Variants in SVOPL observed in about 807,000 individuals in gnomAD.
The protein encoded by SVOPL is putative transporter SVOPL.
In SVOPL, 60 loss-of-function variants were observed where a neutral mutation model predicts 61.0. That is an observed-to-expected ratio of 0.98 (90% confidence interval 0.80 to 1.22). SVOPL has a LOEUF of 1.22. Ranked by LOEUF, SVOPL falls within the 50% of genes most tolerant of loss-of-function variation. The pLI, the probability that SVOPL is intolerant of heterozygous loss-of-function variation, is 0.00. For missense variants in SVOPL, 662 were observed against 643.9 expected (o/e 1.03, Z -0.30); for synonymous variants, 279 against 250.0 (o/e 1.12, Z -1.09).
rs112179206 is a variant in SVOPL, at chr7:138,605,488, C to T, written c.1354-8958G>A. On this transcript the variant is annotated intron_variant, in intron 14 of 15. Transcript: ENST00000674285. ...ATCAGCCTGGCCAACACAGCGAAAC[C>T]CGGTCTCTACTAAAAATACAAAAAT... 4.1e-3 allele frequency among the ~76,000 whole-genome samples: 626 copies of T among 151,986 alleles called. 2 individuals are homozygous for T. The highest frequency in any genetic ancestry group is 0.013 in the African/African-American group (519 of 41,448).
At chr7:138,690,147 A>G (rs995970444) in intron 1 of SVOPL, among the ~76,000 whole-genome samples, 4 of 152,214 alleles carry the variant, frequency 2.6e-5, no homozygotes, top group African/African-American at 9.7e-5. Context: ...AGCCTCTCGA[A>G]TCATGAAATG....
At chr7:138,688,204 T>C (rs1246088307) in intron 1 of SVOPL, among the ~76,000 whole-genome samples, 2 of 151,998 alleles carry the variant, frequency 1.3e-5, no homozygotes, top group Non-Finnish European at 2.9e-5. Context: ...ACATCATTGG[T>C]CATTCGGGAA....
In SVOPL at chr7:138,660,367, T is replaced by C. The variant is rs1356472124; in HGVS notation, c.346-379A>G. ...GAACATTTAAGGTATTTGCTTTTTC[T>C]TTAATTATAAGGATAAATTCATAGT... is the stretch of plus-strand genomic sequence containing the variant. On this transcript the variant is annotated intron_variant, in intron 5 of 15. Transcript: ENST00000674285. 4.0e-6 allele frequency: 4 copies of C among 992,920 alleles called. No homozygotes were observed. In the Admixed American group the frequency reaches 2.3e-4, roughly 57 times the overall value. The allele number at this position is 992,920 out of a possible 1,614,324, so 61.5% of individuals were successfully genotyped here. A position where few individuals can be genotyped will look rare whatever the true frequency, so the allele number is the denominator to read the frequency against.
Position 138,602,173 on chromosome 7 carries a change from T to C in SVOPL, c.1354-5643A>G, listed in dbSNP as rs969152493. On this transcript the variant is annotated intron_variant, in intron 14 of 15. Coordinates refer to ENST00000674285, the MANE Select transcript of SVOPL (RefSeq NM_001139456.2). ...AGTGATCCATGATCACTCCTGTGAA[T>C]AGCCTCTGCAGCCTGGGCAACAAAG... Among the ~76,000 whole-genome samples the C allele has an allele frequency of 9.2e-5, 14 of 152,078 alleles. No homozygotes were observed. In the East Asian group the frequency reaches 2.7e-3, roughly 29 times the overall value.
chr7:138,621,894 C>T (rs138270153), intron 13 of SVOPL, among the ~76,000 whole-genome samples: 1 of 43,446 alleles, frequency 2.3e-5, no homozygotes, highest in African/African-American at 7.7e-5. Flanking sequence ...ATCTATCTAT[C>T]TATCTATCTA....
chr7:138,617,302 T>A (rs1206175648), intron 14 of SVOPL, among the ~76,000 whole-genome samples: 1 of 152,170 alleles, frequency 6.6e-6, no homozygotes, highest in African/African-American at 2.4e-5. Context: ...ACTTTTGTAT[T>A]AAGCTTATAG....
At chr7:138,671,322 G>A (rs1446081827) in intron 4 of SVOPL, among the ~76,000 whole-genome samples, 1 of 152,110 alleles carries the variant, frequency 6.6e-6, no homozygotes, top group East Asian at 1.9e-4. Context: ...CCACTTTGTA[G>A]CAAAACTTGA....
intron 14 of SVOPL, chr7:138,597,154 C>T (rs1360751265): frequency 2.3e-6 from 3 of 1,287,892 alleles, no homozygotes; most frequent in Non-Finnish European, 3.0e-6. Context: ...TACTCCATCT[C>T]ATACTTTAGT....
intron 7 of SVOPL, among the ~76,000 whole-genome samples, chr7:138,654,868 CT>C (rs34598728): frequency 0.067 from 9,051 of 135,216 alleles, 317 homozygotes; most frequent in Middle Eastern, 0.13. Context: ...GTTTCACTTC[CT>C]TTTTTTTTTT....
chr7:138,654,712 G>A (rs562931739), intron 7 of SVOPL, among the ~76,000 whole-genome samples: 1 of 151,904 alleles, frequency 6.6e-6, no homozygotes, highest in Admixed American at 6.6e-5. Flanking sequence ...AAATATTACT[G>A]CTCACCAGGC....
intron 9 of SVOPL, among the ~76,000 whole-genome samples, chr7:138,637,459 T>TATAG (rs1563108644): frequency 9.1e-4 from 13 of 14,336 alleles, no homozygotes; most frequent in African/African-American, 2.7e-3. Context: ...TAGATAGATA[T>TATAG]ATATATATAG....
At position 138,664,292 on chromosome 7, in the gene SVOPL, C is replaced by T. The variant is rs185741658; in HGVS notation, c.274-1147G>A. ...CGTCCTTGAGCTCCCATCGGGCACG[C>T]GCCTAACCCTCCAGCACCCCTAATC... On this transcript the variant is annotated intron_variant, in intron 4 of 15. Transcript: ENST00000674285. The T allele has an allele frequency of 1.1e-4, 104 of 961,118 alleles. No individual in the cohort carries two copies. In the East Asian group the frequency reaches 8.6e-3, roughly 80 times the overall value. 59.5% of individuals were successfully genotyped at this position (961,118 alleles called of 1,614,324 possible). A position where few individuals can be genotyped will look rare whatever the true frequency, so the allele number is the denominator to read the frequency against.
chr7:138,659,197 A>G (rs905571350), intron 6 of SVOPL, among the ~76,000 whole-genome samples: 2 of 152,158 alleles, frequency 1.3e-5, no homozygotes, highest in Non-Finnish European at 2.9e-5. Flanking sequence ...GCCAATCAGA[A>G]AATGTTTAGA....
Position 138,678,547 on chromosome 7 carries a change from G to GA in SVOPL, c.83-23dup, listed in dbSNP as rs755816159. ...GGCTCTAACAACGAAAGACAAAGTG[G>GA]AAAAAATTGCTTCTGCAGGGAAGGG... On this transcript the variant is annotated intron_variant, in intron 2 of 15. Coordinates refer to ENST00000674285, the MANE Select transcript of SVOPL (RefSeq NM_001139456.2). 11 of 1,549,408 alleles carry GA rather than the reference G, an allele frequency of 7.1e-6. No individual in the cohort carries two copies. The East Asian group carries it at 2.4e-4, about 34-fold the overall frequency.
intron 3 of SVOPL, among the ~76,000 whole-genome samples, chr7:138,675,179 T>C (rs1210947346): frequency 6.6e-6 from 1 of 151,542 alleles, no homozygotes; most frequent in Non-Finnish European, 1.5e-5. Context: ...GGTGGGAGGA[T>C]TGCTTGAGCT....
At chr7:138,655,707 T>C (rs1801696727) in intron 7 of SVOPL, among the ~76,000 whole-genome samples, 1 of 149,888 alleles carries the variant, frequency 6.7e-6, no homozygotes, top group Admixed American at 6.7e-5. Context: ...ATTAGTGTAA[T>C]ATATACTATA....
chr7:138,691,038 G>T (rs1413799315), intron 1 of SVOPL, among the ~76,000 whole-genome samples: 1 of 152,116 alleles, frequency 6.6e-6, no homozygotes, highest in African/African-American at 2.4e-5. Context: ...GCCTCCCAAA[G>T]TGCTGGGCTT....
At position 138,625,912 on chromosome 7, in the gene SVOPL, A is replaced by C. The variant is rs1351197981; in HGVS notation, c.1263+57T>G. On this transcript the variant is annotated intron_variant, in intron 13 of 15. Transcript: ENST00000674285. Reference sequence around the variant, plus strand: ...AGGCATGCATTACCTTTGGATGGACATCCTAAGTAGCTCACCTTACACACC... The same window carrying C: ...AGGCATGCATTACCTTTGGATGGACCTCCTAAGTAGCTCACCTTACACACC... The C allele has an allele frequency of 9.6e-6, 15 of 1,565,758 alleles. No homozygotes were observed. The East Asian group carries it at 3.1e-4, about 33-fold the overall frequency.
At chr7:138,677,094 C>T (rs1427280621) in intron 3 of SVOPL, among the ~76,000 whole-genome samples, 3 of 151,924 alleles carry the variant, frequency 2.0e-5, no homozygotes, top group Admixed American at 6.6e-5. Flanking sequence ...TTATTAGATA[C>T]GGGGTTTCAC....
Sources: allele counts gnomAD v4.1 joint callset (sites outside exome capture counted in the v4.1 genomes callset), GRCh38; gene constraint gnomAD v4.1.1; transcripts MANE v1.5; gene names NCBI Gene and HGNC (gene_info 2026-07-23, HGNC 2026-07-21).